The following PRORP variants were observed in gnomAD, a reference collection of about 807,000 sequenced individuals.
PRORP encodes the protein mitochondrial ribonuclease P catalytic subunit.
A neutral mutation model predicts 59.4 loss-of-function variants in PRORP; 51 were observed. The ratio of observed to expected loss-of-function variants is 0.86; its 90% confidence interval spans 0.69 to 1.08. The LOEUF is 1.08. Ranked by LOEUF, PRORP falls within the 50% of genes least tolerant of loss-of-function variation. PRORP has a pLI of 0.00. For missense variants in PRORP, 646 were observed against 690.3 expected (o/e 0.94, Z 0.72); for synonymous variants, 231 against 245.6 (o/e 0.94, Z 0.55).
chr14:35,270,541 A>G lies in PRORP; in HGVS notation c.1565A>G (p.Gln522Arg). The change falls in exon 7 of 8, where the codon CAG becomes CGG. Residue 522 changes from glutamine (Q) to arginine (R), a missense_variant. Gln to Arg is a conservative substitution (Grantham distance 43). Coordinates refer to ENST00000534898, the MANE Select transcript of PRORP (RefSeq NM_014672.4). The part of the protein sequence containing the change: ...KTQRLFFKWQ[Q>R]GHQLAIVNRF... ...CAACGCCTGTTTTTTAAGTGGCAGC[A>G]GGGACATCAGCTGGCAATTGTAAAT... 6.2e-7 allele frequency: 1 copy of G among 1,614,206 alleles called. No individual in the cohort carries two copies. Among genetic ancestry groups the G allele is most frequent in the Non-Finnish European group, 8.5e-7 (1 of 1,180,034 alleles).
chr14:35,227,409 A>G (rs1449921144), intron 5 of PRORP, among the ~76,000 whole-genome samples: 3 of 151,652 alleles, frequency 2.0e-5, no homozygotes, highest in African/African-American at 7.3e-5. Context: ...GCACCACTGC[A>G]CTCCAGCCTG....
At chr14:35,209,887 A>G (rs1307226158) in intron 5 of PRORP, among the ~76,000 whole-genome samples, 1 of 152,106 alleles carries the variant, frequency 6.6e-6, no homozygotes, top group Non-Finnish European at 1.5e-5. Flanking sequence ...CCCTCTAGCA[A>G]TGTTGGGTTA....
Position 35,154,800 on chromosome 14 carries a change from C to T in PRORP, c.1168-25870C>T, listed in dbSNP as rs530045283. On this transcript the variant is annotated intron_variant, in intron 4 of 7. Transcript: ENST00000534898. ...ATGGATCATATTGGGCCCTTAGTTC[C>T]TGATTTGAACAATCAGAGGAATCTG... is the stretch of plus-strand genomic sequence containing the variant. Among the ~76,000 whole-genome samples the T allele has an allele frequency of 5.3e-5, 8 of 152,186 alleles. No individual in the cohort carries two copies. The East Asian group carries it at 1.5e-3, about 29-fold the overall frequency.
At chr14:35,127,745 C>A in intron 4 of PRORP, 134 bp downstream of exon 4, 1 of 800,498 alleles carries the variant, frequency 1.2e-6, no homozygotes, top group Non-Finnish European at 2.0e-6. Context: ...TTCAACTCTG[C>A]TGTTGTAGTT....
chr14:35,142,873 A>G (rs1036260397), intron 4 of PRORP, among the ~76,000 whole-genome samples: 1 of 143,142 alleles, frequency 7.0e-6, no homozygotes, highest in African/African-American at 2.5e-5. Flanking sequence ...TAAAGATGGG[A>G]TCTCACTATG....
chr14:35,129,747 G>A (rs1346581786), intron 4 of PRORP, among the ~76,000 whole-genome samples: 2 of 152,014 alleles, frequency 1.3e-5, no homozygotes, highest in Admixed American at 6.6e-5. Flanking sequence ...CCAAAGTGCT[G>A]GGATTATAGG....
At chr14:35,130,387 T>TA (rs35861223) in intron 4 of PRORP, among the ~76,000 whole-genome samples, 30,614 of 152,042 alleles carry the variant, frequency 0.2, 3,232 homozygotes, top group East Asian at 0.37. Context: ...ACACCATAGT[T>TA]ACAGTGTTAT....
chr14:35,257,832 G>GT (rs966758589), intron 5 of PRORP, among the ~76,000 whole-genome samples: 5 of 152,148 alleles, frequency 3.3e-5, no homozygotes, highest in African/African-American at 1.2e-4. Flanking sequence ...AGGTAAAAAG[G>GT]TATAAGCACA....
chr14:35,173,684 A>C (rs748476382), intron 4 of PRORP, among the ~76,000 whole-genome samples: 1 of 152,098 alleles, frequency 6.6e-6, no homozygotes, highest in Non-Finnish European at 1.5e-5. Context: ...CCTCTGACCA[A>C]GACAAATTTT....
chr14:35,249,537 C>G (rs760747609), intron 5 of PRORP, among the ~76,000 whole-genome samples: 19 of 152,096 alleles, frequency 1.2e-4, no homozygotes, highest in Non-Finnish European at 2.6e-4. Context: ...CACAATGAAC[C>G]ATGATCATGC....
In PRORP at chr14:35,229,735, T is replaced by C. The variant is rs2050024837; in HGVS notation, c.1276-36992T>C. Among the ~76,000 whole-genome samples the C allele has an allele frequency of 1.3e-5, 2 of 152,086 alleles. 1 individual carries two copies. Among genetic ancestry groups the C allele is most frequent in the South Asian group, 4.2e-4 (2 of 4,818 alleles). On this transcript the variant is annotated intron_variant, in intron 5 of 7. Transcript: ENST00000534898. The stretch of plus-strand genomic sequence containing the variant: ...AAGAGCTTTGAGAATGATTAGCAGG[T>C]GGGGTCTTTAATGAGAAAGGCTTAA...
At chr14:35,165,850 T>A (rs1178602383) in intron 4 of PRORP, among the ~76,000 whole-genome samples, 1 of 152,106 alleles carries the variant, frequency 6.6e-6, no homozygotes, top group Non-Finnish European at 1.5e-5. Context: ...CAGCTAATTT[T>A]TGTATTTTTT....
intron 5 of PRORP, among the ~76,000 whole-genome samples, chr14:35,218,811 C>A (rs1368004798): frequency 6.6e-6 from 1 of 152,102 alleles, no homozygotes; most frequent in Non-Finnish European, 1.5e-5. Flanking sequence ...AAGGCATGAG[C>A]CACCACGCCT....
rs532237165 is a variant in PRORP at position 35,202,632 on chromosome 14, GTT to G, written c.1275+21861_1275+21862del. 5.3e-5 allele frequency among the ~76,000 whole-genome samples: 8 copies of G among 151,834 alleles called. No homozygotes were observed. The South Asian group carries it at 8.3e-4, about 16-fold the overall frequency. On this transcript the variant is annotated intron_variant, in intron 5 of 7. Transcript: ENST00000534898. ...GTTTTTTGTTTAGTTGGTTAGTTTG[GTT>G]TTTTTATTTTTTAGAGACAGGGCCT... is the stretch of plus-strand genomic sequence containing the variant.
At chr14:35,261,925 A>G (rs138657782) in intron 5 of PRORP, among the ~76,000 whole-genome samples, 19 of 152,194 alleles carry the variant, frequency 1.2e-4, no homozygotes, top group African/African-American at 4.1e-4. Flanking sequence ...CATTGTTTTC[A>G]GAGAGCTGCT....
At chr14:35,141,723 A>G (rs984191485) in intron 4 of PRORP, among the ~76,000 whole-genome samples, 1 of 145,510 alleles carries the variant, frequency 6.9e-6, no homozygotes, top group Non-Finnish European at 1.5e-5. Flanking sequence ...TTAACTCATG[A>G]CCACTTTTTT....
In PRORP at chr14:35,123,665, C is replaced by A; in HGVS notation, c.420C>A (p.Phe140Leu). ...DLKENTGKTS[F>L]ESWIISQMAG... ...AAGAAAACACCGGAAAGACCAGTTT[C>A]GAAAGTTGGATCATTTCACAGATGG... is the stretch of plus-strand genomic sequence containing the variant. The change falls in exon 2 of 8, where the codon TTC becomes TTA. Residue 140 changes from phenylalanine (F) to leucine (L), a missense_variant. By Grantham distance (22) the Phe-to-Leu change is conservative. Transcript: ENST00000534898. 1.2e-6 allele frequency: 2 copies of A among 1,614,172 alleles called. No homozygotes were observed. The highest frequency in any genetic ancestry group is 1.7e-6 in the Non-Finnish European group (2 of 1,180,042).
chr14:35,247,767 G>C (rs1170088954), intron 5 of PRORP, among the ~76,000 whole-genome samples: 1 of 152,094 alleles, frequency 6.6e-6, no homozygotes, highest in Non-Finnish European at 1.5e-5. Flanking sequence ...TCAGTCTTCA[G>C]AATACCTATC....
intron 5 of PRORP, among the ~76,000 whole-genome samples, chr14:35,243,922 TC>T (rs1472281822): frequency 6.6e-6 from 1 of 152,190 alleles, no homozygotes; most frequent in African/African-American, 2.4e-5. Context: ...GGAAGACTCT[TC>T]TTTTTGGTTT....
Sources: allele counts gnomAD v4.1 joint callset (sites outside exome capture counted in the v4.1 genomes callset), GRCh38; gene constraint gnomAD v4.1.1; transcripts MANE v1.5; gene names NCBI Gene and HGNC (gene_info 2026-07-23, HGNC 2026-07-21).